CECR2: variants seen among roughly 807,000 people sequenced by gnomAD.
CECR2 encodes CECR2 histone acetyl-lysine reader.
A neutral mutation model predicts 154.5 loss-of-function variants in CECR2; 30 were observed. That is an observed-to-expected ratio of 0.19 (90% CI 0.15 to 0.26). The LOEUF (loss-of-function observed/expected upper bound fraction) is 0.26, where lower values mean the gene tolerates loss of function less well. CECR2 is among the 10% of genes least tolerant of loss of function. The pLI is 1.00. For synonymous variants in CECR2, 725 were observed against 683.7 expected (o/e 1.06, Z -0.94); for missense variants, 1,743 against 1,829.3 (o/e 0.95, Z 0.86).
chr22:17,383,082 C>T (rs550184654), intron 1 of CECR2, among the ~76,000 whole-genome samples: 7 of 152,110 alleles, frequency 4.6e-5, no homozygotes, highest in South Asian at 2.1e-4. Flanking sequence ...AAAAATTAGC[C>T]GGGCACGGTG....
intron 16 of CECR2, among the ~76,000 whole-genome samples, chr22:17,545,374 C>CAAAAAAAAAAAAAAAA (rs695493): frequency 1.5e-4 from 7 of 46,436 alleles, no homozygotes; most frequent in African/African-American, 3.6e-4. Context: ...GACTCCGTCT[C>CAAAAAAAAAAAAAAAA]AAAAAAAAAA....
intron 1 of CECR2, among the ~76,000 whole-genome samples, chr22:17,466,386 A>C (rs12628533): frequency 6.6e-6 from 1 of 152,130 alleles, no homozygotes; most frequent in Non-Finnish European, 1.5e-5. Context: ...ATCTTAGAAG[A>C]AACTTTCTAA....
At chr22:17,401,533 G>A (rs186409225) in intron 1 of CECR2, among the ~76,000 whole-genome samples, 1 of 151,894 alleles carries the variant, frequency 6.6e-6, no homozygotes, top group East Asian at 1.9e-4. Flanking sequence ...GTTACTGTAT[G>A]TTAGTTTACA....
chr22:17,496,720 T>C (rs1016258599), intron 2 of CECR2, among the ~76,000 whole-genome samples: 1 of 152,190 alleles, frequency 6.6e-6, no homozygotes. Flanking sequence ...ACCTAAGTCA[T>C]GAACCCAACT....
At chr22:17,401,075 A>T (rs2053884732) in intron 1 of CECR2, among the ~76,000 whole-genome samples, 1 of 151,924 alleles carries the variant, frequency 6.6e-6, no homozygotes, top group Non-Finnish European at 1.5e-5. Flanking sequence ...TCCCCAGGGG[A>T]GTCTTATTCT....
chr22:17,477,530 G>C (rs1276403865), intron 1 of CECR2, 58 bp from the exon 2 acceptor site: 3 of 1,116,010 alleles, frequency 2.7e-6, no homozygotes, highest in Non-Finnish European at 4.1e-6. Context: ...GTAGGAAGGG[G>C]TGTGTATTTT....
intron 1 of CECR2, among the ~76,000 whole-genome samples, chr22:17,376,100 A>G (rs1430508635): frequency 6.6e-6 from 1 of 152,202 alleles, no homozygotes; most frequent in Non-Finnish European, 1.5e-5. Context: ...TTACAGAAGG[A>G]CAGATCTGTG....
intron 1 of CECR2, among the ~76,000 whole-genome samples, chr22:17,424,067 A>C (rs1476763765): frequency 6.6e-6 from 1 of 152,164 alleles, no homozygotes; most frequent in Non-Finnish European, 1.5e-5. Flanking sequence ...TTGTAAGCAC[A>C]TCTTAAAATA....
chr22:17,404,699 A>G (rs1267230103), intron 1 of CECR2, among the ~76,000 whole-genome samples: 1 of 151,722 alleles, frequency 6.6e-6, no homozygotes, highest in African/African-American at 2.4e-5. Context: ...GTCATTGTTC[A>G]CTCTGTTCTG....
chr22:17,489,540 C>T (rs752667857), intron 2 of CECR2, among the ~76,000 whole-genome samples: 5 of 152,186 alleles, frequency 3.3e-5, no homozygotes, highest in South Asian at 2.1e-4. Flanking sequence ...ACTGCAGCCT[C>T]GACCTCCTGG....
At chr22:17,374,921 C>A (rs2063099992) in intron 1 of CECR2, among the ~76,000 whole-genome samples, 1 of 151,980 alleles carries the variant, frequency 6.6e-6, no homozygotes, top group Admixed American at 6.6e-5. Flanking sequence ...CCTGTTTCTA[C>A]CACATCGCAC....
intron 3 of CECR2, among the ~76,000 whole-genome samples, chr22:17,497,880 G>C (rs552463240): frequency 9.2e-5 from 14 of 152,282 alleles, no homozygotes; most frequent in African/African-American, 2.9e-4. Flanking sequence ...GACCCTGTTT[G>C]TTCTGTCATC....
At position 17,549,252 on chromosome 22, in the gene CECR2, C is replaced by G. The variant is rs2056667110; in HGVS notation, c.3965C>G (p.Pro1322Arg). Reference sequence around the variant, plus strand: ...GCCAGCGAGTATCTCTATGGAACTCCTCCGCCTCTGAGTTCAGGAATGGGA... The same window carrying G: ...GCCAGCGAGTATCTCTATGGAACTCGTCCGCCTCTGAGTTCAGGAATGGGA... ...LSASEYLYGTPPPLSSGMGFG... is the reference protein window; with the variant it reads ...LSASEYLYGTRPPLSSGMGFG... Residue 1322 changes from proline to arginine, a missense_variant, in exon 17 of 19, where the codon CCT becomes CGT. Pro to Arg is a moderately radical substitution (Grantham distance 103). Transcript: ENST00000262608. The G allele has an allele frequency of 4.3e-6, 7 of 1,614,052 alleles. No homozygotes were observed. The East Asian group carries it at 1.6e-4, about 36-fold the overall frequency.
intron 2 of CECR2, among the ~76,000 whole-genome samples, chr22:17,483,175 G>C (rs751174038): frequency 6.6e-6 from 1 of 152,202 alleles, no homozygotes; most frequent in Non-Finnish European, 1.5e-5. Flanking sequence ...GGCCTAGGCC[G>C]ATGTGTGTGT....
chr22:17,408,279 CT>C (rs2054015679), intron 1 of CECR2, among the ~76,000 whole-genome samples: 1 of 127,272 alleles, frequency 7.9e-6, no homozygotes, highest in African/African-American at 3.0e-5. Flanking sequence ...TTTATATTTG[CT>C]TTTTTGTGGT....
chr22:17,493,440 C>A (rs1038818016), intron 2 of CECR2, among the ~76,000 whole-genome samples: 12 of 152,262 alleles, frequency 7.9e-5, no homozygotes, highest in Admixed American at 6.5e-4. Context: ...CTTCCTGAAG[C>A]CTTTTTATTT....
chr22:17,547,015 G>T (rs2056624411), intron 16 of CECR2, among the ~76,000 whole-genome samples: 1 of 141,116 alleles, frequency 7.1e-6, no homozygotes, highest in Admixed American at 7.2e-5. Flanking sequence ...CTCCAGCCTG[G>T]GCATCAGAGT....
intron 1 of CECR2, among the ~76,000 whole-genome samples, chr22:17,435,267 C>G (rs1221538419): frequency 6.6e-6 from 1 of 151,988 alleles, no homozygotes; most frequent in African/African-American, 2.4e-5. Context: ...CCAAAACAAA[C>G]GTTGCTGCCT....
At chr22:17,528,396 T>C (rs2056299989) in intron 9 of CECR2, among the ~76,000 whole-genome samples, 1 of 152,154 alleles carries the variant, frequency 6.6e-6, no homozygotes, top group African/African-American at 2.4e-5. Flanking sequence ...AAAGGATGGT[T>C]ACCAGAGGCT....
Sources: allele counts gnomAD v4.1 joint callset (sites outside exome capture counted in the v4.1 genomes callset), GRCh38; gene constraint gnomAD v4.1.1; transcripts MANE v1.5; gene names NCBI Gene and HGNC (gene_info 2026-07-23, HGNC 2026-07-21).